CCK: variants seen among roughly 807,000 people sequenced by gnomAD.
CCK encodes cholecystokinin triacontatriapeptide.
Under a neutral mutation model 10.1 loss-of-function variants are expected in CCK, and 11 were observed. The observed-to-expected ratio is 1.09, with a 90% CI of 0.69 to 1.81. The LOEUF is 1.81. Among genes scored for constraint, CCK ranks in the 40% most tolerant of loss-of-function variants. CCK has a pLI of 0.00. For synonymous variants in CCK, 83 were observed against 71.9 expected (o/e 1.15, Z -0.78); for missense variants, 137 against 159.9 (o/e 0.86, Z 0.77).
chr3:42,260,713 C>G (rs146963345), intron 4 of CCK, among the ~76,000 whole-genome samples: 375 of 152,342 alleles, frequency 2.5e-3, no homozygotes, highest in African/African-American at 8.5e-3. Context: ...AGCCTCGGGA[C>G]TGTCTGCATG....
chr3:42,264,410 C>T (rs1221976125), intron 3 of CCK, among the ~76,000 whole-genome samples: 1 of 152,128 alleles, frequency 6.6e-6, no homozygotes, highest in African/African-American at 2.4e-5. Flanking sequence ...TCCCCCGCAC[C>T]GCTGTGTAAC....
rs2149570622 is a variant in CCK, at chr3:42,259,838, C to A, written c.215-1607G>T. ...GTGCAAGCTCAGTCTTAAGAAAGGCCCTTCAGGGACTTCAATGGACAAAGC... is the reference window on the plus strand; with the variant it reads ...GTGCAAGCTCAGTCTTAAGAAAGGCACTTCAGGGACTTCAATGGACAAAGC... On this transcript the variant is annotated intron_variant, in intron 4 of 4. Transcript: ENST00000396169. 2.6e-5 allele frequency among the ~76,000 whole-genome samples: 4 copies of A among 152,212 alleles called. 1 individual carries two copies. In the South Asian group the frequency reaches 8.3e-4, roughly 32 times the overall value.
chr3:42,263,424 G>A lies in CCK; in HGVS notation c.207C>T (p.Ala69=). ...GGGAGGCAGCATTCTTACCTTTCCG[G>A]GCCTGCTGGATGTATCTTGCCAGCA... The part of the protein sequence containing the change: ...GALLARYIQQ[A]RKAPSGRMSI... The change falls in exon 4 of 5, where the codon GCC becomes GCT. Residue 69 remains alanine, a synonymous_variant. Coordinates refer to ENST00000396169, the MANE Select transcript of CCK (RefSeq NM_000729.6). The A allele has an allele frequency of 1.2e-6, 2 of 1,614,116 alleles. No individual in the cohort carries two copies. The highest frequency in any genetic ancestry group is 2.2e-5 in the South Asian group (2 of 91,080).
At chr3:42,264,286 T>C (rs1410176660) in intron 3 of CCK, among the ~76,000 whole-genome samples, 1 of 152,248 alleles carries the variant, frequency 6.6e-6, no homozygotes, top group Non-Finnish European at 1.5e-5. Flanking sequence ...AGATCGCTAG[T>C]GGATAAAACA....
chr3:42,263,377 A>T (rs1342989035), intron 4 of CCK, 40 bp downstream of exon 4: 1 of 1,613,984 alleles, frequency 6.2e-7, no homozygotes, highest in South Asian at 1.1e-5. Context: ...GAGCCTGGGA[A>T]CAAGGGCAGA....
chr3:42,259,208 G>T (rs1711180137), intron 4 of CCK, among the ~76,000 whole-genome samples: 1 of 152,054 alleles, frequency 6.6e-6, no homozygotes, highest in African/African-American at 2.4e-5. Context: ...ATCGGGGGGT[G>T]GGGGTTAGGG....
chr3:42,263,751 G>A, intron 3 of CCK, 119 bp from the exon 4 acceptor site: 1 of 1,413,800 alleles, frequency 7.1e-7, no homozygotes, highest in Non-Finnish European at 9.2e-7. Flanking sequence ...GACCCGCCAG[G>A]CCGCCGCAAG....
intron 4 of CCK, among the ~76,000 whole-genome samples, chr3:42,258,539 A>G (rs112555552): frequency 3.9e-5 from 6 of 152,246 alleles, no homozygotes; most frequent in African/African-American, 1.4e-4. Context: ...GATTTTCCTT[A>G]GTCTCCCTAC....
intron 4 of CCK, among the ~76,000 whole-genome samples, chr3:42,260,121 C>G (rs1381882895): frequency 6.6e-6 from 1 of 152,172 alleles, no homozygotes; most frequent in African/African-American, 2.4e-5. Flanking sequence ...AACAACGTCC[C>G]CACCCTTTCT....
chr3:42,263,849 C>T, intron 3 of CCK: 1 of 641,268 alleles, frequency 1.6e-6, no homozygotes, highest in Non-Finnish European at 2.4e-6. Flanking sequence ...AACTCCTCAC[C>T]CAGCGCCAAG....
intron 2 of CCK, 180 bp downstream of exon 2, chr3:42,265,089 G>A (rs1711267411): frequency 6.6e-6 from 1 of 151,854 alleles, no homozygotes; most frequent in South Asian, 2.1e-4. Context: ...AGTCTCCTCC[G>A]GGATGGAGAA....
chr3:42,258,218 T>A lies in CCK; in HGVS notation c.228A>T (p.Arg76=). The A allele has an allele frequency of 2.5e-6, 4 of 1,614,032 alleles. No individual in the cohort carries two copies. Among genetic ancestry groups the A allele is most frequent in the Non-Finnish European group, 3.4e-6 (4 of 1,179,984 alleles). The change falls in exon 5 of 5, where the codon CGA becomes CGT. Residue 76 remains arginine (R), a synonymous_variant. Coordinates refer to ENST00000396169, the MANE Select transcript of CCK (RefSeq NM_000729.6). ...TCTGCAGGTTCTTAACGATGGACAT[T>A]CGTCCAGAAGGAGCTACAAGGAGCA... The part of the protein sequence containing the change: ...IQQARKAPSG[R]MSIVKNLQNL...
At chr3:42,262,148 T>C (rs928070895) in intron 4 of CCK, among the ~76,000 whole-genome samples, 3 of 151,124 alleles carry the variant, frequency 2.0e-5, no homozygotes, top group Non-Finnish European at 3.0e-5. Context: ...GGAACACCAG[T>C]TGGGTAAGAG....
At chr3:42,262,763 G>A (rs942362657) in intron 4 of CCK, among the ~76,000 whole-genome samples, 1 of 152,224 alleles carries the variant, frequency 6.6e-6, no homozygotes, top group African/African-American at 2.4e-5. Flanking sequence ...CGGCTAGTGA[G>A]CTGCTGAATC....
At chr3:42,259,241 A>C (rs1280749605) in intron 4 of CCK, among the ~76,000 whole-genome samples, 1 of 152,154 alleles carries the variant, frequency 6.6e-6, no homozygotes, top group African/African-American at 2.4e-5. Flanking sequence ...TAGGGGAAAT[A>C]CCTAATGTAG....
In CCK at chr3:42,263,509, C is replaced by A; in HGVS notation, c.122G>T (p.Arg41Leu). 1 of 1,613,954 alleles carries A rather than the reference C, an allele frequency of 6.2e-7. No homozygotes were observed. The highest frequency in any genetic ancestry group is 8.5e-7 in the Non-Finnish European group (1 of 1,179,954). Residue 41 changes from arginine (R) to leucine (L), a missense_variant, in exon 4 of 5, where the codon CGT (arginine) becomes CTT (leucine). Transcript: ENST00000396169. ...SGLQRAEEAPRRQLRVSQRTD... is the reference protein window; with the variant it reads ...SGLQRAEEAPLRQLRVSQRTD... The stretch of plus-strand genomic sequence containing the variant: ...TCTCTGCGATACCCTCAGCTGCCTA[C>A]GGGGCGCCTCCTCTGCCCGCTGCAG...
At chr3:42,261,631 C>T (rs1307404189) in intron 4 of CCK, among the ~76,000 whole-genome samples, 7 of 143,260 alleles carry the variant, frequency 4.9e-5, no homozygotes, top group African/African-American at 1.5e-4. Flanking sequence ...CTTTTTTTTC[C>T]CTAGAGCAAT....
intron 4 of CCK, among the ~76,000 whole-genome samples, chr3:42,262,091 T>A (rs1711222677): frequency 6.6e-6 from 1 of 152,114 alleles, no homozygotes; most frequent in African/African-American, 2.4e-5. Flanking sequence ...CTCTTCATCT[T>A]ATCCCTCTCT....
rs1259760409 is a variant in CCK at position 42,263,473 on chromosome 3, T to C, written c.158A>G (p.Glu53Gly). 1 of 1,614,022 alleles carries C rather than the reference T, an allele frequency of 6.2e-7. No individual in the cohort carries two copies. Among genetic ancestry groups the C allele is most frequent in the East Asian group, 2.2e-5 (1 of 44,882 alleles). Residue 53 changes from glutamate to glycine, a missense_variant, in exon 4 of 5, where the codon GAG becomes GGG. Coordinates refer to ENST00000396169, the MANE Select transcript of CCK (RefSeq NM_000729.6). ...QLRVSQRTDG[E>G]SRAHLGALLA... ...CAGGGCGCCCAGGTGCGCTCGGGACTCGCCATCCGTTCTCTGCGATACCCT... is the reference window on the plus strand; with the variant it reads ...CAGGGCGCCCAGGTGCGCTCGGGACCCGCCATCCGTTCTCTGCGATACCCT...
Sources: gnomAD v4.1 joint callset for allele counts (sites outside exome capture counted in the v4.1 genomes callset) on GRCh38, gnomAD v4.1.1 for gene constraint, MANE v1.5 for transcripts, NCBI Gene and HGNC (gene_info 2026-07-23, HGNC 2026-07-21) for gene names.